The following DGAT1 variants were observed in gnomAD, a reference collection of about 807,000 sequenced individuals.
DGAT1 encodes the protein ACAT related gene product 1.
In DGAT1, 60 loss-of-function variants were observed where a neutral mutation model predicts 72.6. The observed-to-expected ratio is 0.83, with a 90% CI of 0.67 to 1.02. The LOEUF is 1.02. Ranked by LOEUF, DGAT1 falls within the 50% of genes least tolerant of loss-of-function variation. The pLI is 0.00. For synonymous variants in DGAT1, 290 were observed against 267.5 expected, an observed-to-expected ratio of 1.08 and a Z score of -0.82; for missense variants, 592 against 670.0, an observed-to-expected ratio of 0.88 and a Z score of 1.29.
chr8:144,318,998 G>A, intron 3 of DGAT1, 30 bp downstream of exon 3: 2 of 1,513,556 alleles, frequency 1.3e-6, no homozygotes, highest in Non-Finnish European at 1.8e-6. Context: ...CATGGGTGGG[G>A]CAGGGGTGGG....
Position 144,317,769 on chromosome 8 carries a change from C to A in DGAT1, c.894+15G>T, listed in dbSNP as rs2130516671. 1 of 1,613,332 alleles carries A rather than the reference C, an allele frequency of 6.2e-7. No individual in the cohort carries two copies. The highest frequency in any genetic ancestry group is 8.5e-7 in the Non-Finnish European group (1 of 1,179,744). On this transcript the variant is annotated intron_variant, in intron 10 of 16. Coordinates refer to ENST00000528718, the MANE Select transcript of DGAT1 (RefSeq NM_012079.6). ...CCATGCCCAGCTACACCCAACCCTG[C>A]CCTACCCCACTTACCTGCTGGATCA...
At chr8:144,319,389 C>G (rs981437008) in intron 2 of DGAT1, among the ~76,000 whole-genome samples, 1 of 152,216 alleles carries the variant, frequency 6.6e-6, no homozygotes, top group Non-Finnish European at 1.5e-5. Context: ...AGCTGCTGAT[C>G]TGCTCACATC....
At chr8:144,322,225 G>A (rs538065071) in intron 1 of DGAT1, among the ~76,000 whole-genome samples, 1 of 152,290 alleles carries the variant, frequency 6.6e-6, no homozygotes, top group African/African-American at 2.4e-5. Flanking sequence ...CATATAGCTA[G>A]GACAAGGACA....
intron 1 of DGAT1, among the ~76,000 whole-genome samples, chr8:144,324,413 A>G (rs369810355): frequency 2.6e-5 from 4 of 152,288 alleles, no homozygotes; most frequent in South Asian, 2.1e-4. Context: ...AGCAGGGAGA[A>G]GAGCCCAGTG....
At chr8:144,323,753 A>G (rs782303460) in intron 1 of DGAT1, among the ~76,000 whole-genome samples, 7 of 152,214 alleles carry the variant, frequency 4.6e-5, no homozygotes, top group Non-Finnish European at 8.8e-5. Flanking sequence ...ACCTTGGCAC[A>G]TGCCCACCCG....
At chr8:144,323,437 C>T (rs2130541867) in intron 1 of DGAT1, among the ~76,000 whole-genome samples, 1 of 152,258 alleles carries the variant, frequency 6.6e-6, no homozygotes, top group East Asian at 1.9e-4. Context: ...CCTCACAGGC[C>T]CCCATGAGGA....
Position 144,317,974 on chromosome 8 carries a change from G to A in DGAT1, c.795C>T (p.Leu265=), listed in dbSNP as rs368923478. 2.7e-5 allele frequency: 41 copies of A among 1,519,598 alleles called. No individual in the cohort carries two copies. The highest frequency in any genetic ancestry group is 6.2e-6 in the Non-Finnish European group (7 of 1,136,272). 94.1% of individuals were successfully genotyped at this position (1,519,598 alleles called of 1,614,324 possible). Residue 265 remains leucine, a synonymous_variant, in exon 9 of 17, where the codon CTC becomes CTT. Transcript: ENST00000528718. ...GGATGCGGGGAGAGCGGGGAAAGTTGAGCTCGTAGCACAAGGTGGGGGCGA... is the reference window on the plus strand; with the variant it reads ...GGATGCGGGGAGAGCGGGGAAAGTTAAGCTCGTAGCACAAGGTGGGGGCGA... ...FLFAPTLCYE[L]NFPRSPRIRK...
Position 144,315,102 on chromosome 8 carries a change from G to A in DGAT1, c.*1452C>T. On this transcript the variant is annotated 3_prime_UTR_variant, in exon 17 of 17. Coordinates refer to ENST00000528718, the MANE Select transcript of DGAT1 (RefSeq NM_012079.6). The stretch of plus-strand genomic sequence containing the variant: ...AGCTTTAGGGTTCTCCACTCAGCCT[G>A]GTGGAGGAAGGGAAGGGGGCCTGCG... The A allele has an allele frequency of 1.0e-6, 1 of 985,510 alleles. No individual in the cohort carries two copies. Among genetic ancestry groups the A allele is most frequent in the Non-Finnish European group, 1.2e-6 (1 of 829,968 alleles). 61.0% of individuals were successfully genotyped at this position (985,510 alleles called of 1,614,324 possible). A position where few individuals can be genotyped will look rare whatever the true frequency, so the allele number is the denominator to read the frequency against.
chr8:144,325,664 T>C (rs1817578171), intron 1 of DGAT1, among the ~76,000 whole-genome samples: 1 of 152,144 alleles, frequency 6.6e-6, no homozygotes, highest in South Asian at 2.1e-4. Context: ...CCATCGGCCA[T>C]GGTTCTCTCC....
chr8:144,320,640 T>G (rs559321624), intron 2 of DGAT1, among the ~76,000 whole-genome samples: 194 of 151,946 alleles, frequency 1.3e-3, no homozygotes, highest in Non-Finnish European at 2.4e-3. Context: ...AGCCCTAGAC[T>G]CCAACTACTT....
intron 1 of DGAT1, among the ~76,000 whole-genome samples, chr8:144,325,324 C>T (rs1554848659): frequency 1.3e-5 from 2 of 152,192 alleles, no homozygotes; most frequent in African/African-American, 4.8e-5. Flanking sequence ...CCATGCCTGA[C>T]TCTCGCTGAG....
At position 144,316,626 on chromosome 8, in the gene DGAT1, C is replaced by T. The variant is rs1554847044; in HGVS notation, c.1395G>A (p.Gln465=). 8 of 1,608,848 alleles carry T rather than the reference C, an allele frequency of 5.0e-6. No individual in the cohort carries two copies. In the East Asian group the frequency reaches 1.6e-4, roughly 31 times the overall value. ...GGACGTACATGAGGACGGCTATTGG[C>T]TGTCCGATGATGAGCGACAGCCACA... ...AAVWLSLIIG[Q]PIAVLMYVHD... Residue 465 remains glutamine, a synonymous_variant, in exon 17 of 17, where the codon CAG becomes CAA. Transcript: ENST00000528718.
intron 1 of DGAT1, 96 bp downstream of exon 1, chr8:144,326,341 G>C: frequency 8.7e-7 from 1 of 1,153,656 alleles, no homozygotes; most frequent in South Asian, 2.2e-5. Flanking sequence ...CTTAGCCCAG[G>C]GCCCATGTTC....
In DGAT1 at chr8:144,317,095, G is replaced by A. The variant is rs1817261121; in HGVS notation, c.1175C>T (p.Pro392Leu). The A allele has an allele frequency of 6.2e-7, 1 of 1,613,024 alleles. No homozygotes were observed. Among genetic ancestry groups the A allele is most frequent in the Non-Finnish European group, 8.5e-7 (1 of 1,179,932 alleles). ...HKWCIRHFYK[P>L]MLRRGSSKWM... Reference sequence around the variant, plus strand: ...CTTGCTGCTGCCCCGTCGAAGCATGGGCTTGTAGAAGTGTCTGCAGAGGAG... The same window carrying A: ...CTTGCTGCTGCCCCGTCGAAGCATGAGCTTGTAGAAGTGTCTGCAGAGGAG... Residue 392 changes from proline (P) to leucine (L), a missense_variant, in exon 15 of 17, where the codon CCC (proline) becomes CTC (leucine). Pro to Leu is a moderately conservative substitution (Grantham distance 98, BLOSUM62 -3). Transcript: ENST00000528718.
chr8:144,319,106 C>A, intron 2 of DGAT1, 38 bp from the exon 3 acceptor site: 1 of 1,550,772 alleles, frequency 6.4e-7, no homozygotes, highest in Non-Finnish European at 8.7e-7. Context: ...CCCCTTTAGT[C>A]CTGGCCACAG....
Position 144,316,216 on chromosome 8 carries a change from A to G in DGAT1, c.*338T>C, listed in dbSNP as rs1039068962. On this transcript the variant is annotated 3_prime_UTR_variant, in exon 17 of 17. Coordinates refer to ENST00000528718, the MANE Select transcript of DGAT1 (RefSeq NM_012079.6). ...GGCAGGTCCTGGGACAGCTGTCCAC[A>G]CAGCTCTGGCACTCGCCCTTGTGGG... The G allele has an allele frequency of 2.5e-5, 7 of 274,876 alleles. No individual in the cohort carries two copies. Among genetic ancestry groups the G allele is most frequent in the Non-Finnish European group, 4.2e-5 (6 of 143,700 alleles). 17.0% of individuals were successfully genotyped at this position (274,876 alleles called of 1,614,324 possible). A position where few individuals can be genotyped will look rare whatever the true frequency, so the allele number is the denominator to read the frequency against.
Position 144,318,159 on chromosome 8 carries a change from C to T in DGAT1, c.687G>A (p.Gly229=), listed in dbSNP as rs782820690. 1.3e-6 allele frequency: 2 copies of T among 1,592,280 alleles called. No homozygotes were observed. The highest frequency in any genetic ancestry group is 1.7e-6 in the Non-Finnish European group (2 of 1,167,854). The part of the protein sequence containing the change: ...RRARAKAASA[G]KKASSAAAPH... ...GGGCAGCAGCACTGCTGGCCTTCTT[C>T]CCTGCAGAGGCTACGAGCACAGCAG... The change falls in exon 8 of 17, where the codon GGG becomes GGA. Residue 229 remains glycine (G), a synonymous_variant. Coordinates refer to ENST00000528718, the MANE Select transcript of DGAT1 (RefSeq NM_012079.6).
chr8:144,323,789 T>C (rs2130543177), intron 1 of DGAT1, among the ~76,000 whole-genome samples: 1 of 152,284 alleles, frequency 6.6e-6, no homozygotes, highest in African/African-American at 2.4e-5. Context: ...GTTCAAAGTG[T>C]GCCCAAAGGC....
intron 13 of DGAT1, 34 bp from the exon 14 acceptor site, chr8:144,317,286 A>T (rs782375693): frequency 4.3e-6 from 7 of 1,612,854 alleles, no homozygotes; most frequent in Non-Finnish European, 5.9e-6. Context: ...GGATCAGAGC[A>T]CACCATGGCC....
Sources: allele counts gnomAD v4.1 joint callset (sites outside exome capture counted in the v4.1 genomes callset), GRCh38; gene constraint gnomAD v4.1.1; transcripts MANE v1.5; gene names NCBI Gene and HGNC (gene_info 2026-07-23, HGNC 2026-07-21).